The following ZNF600 variants were observed in gnomAD, a reference collection of about 807,000 sequenced individuals.
ZNF600 encodes the protein zinc finger protein KR-ZNF1.
ZNF600 carries 4 observed loss-of-function variants against 7.3 expected under a neutral mutation model. That is an observed-to-expected ratio of 0.55 (90% confidence interval 0.27 to 1.25). The LOEUF (loss-of-function observed/expected upper bound fraction) is 1.25. Among genes scored for constraint, ZNF600 ranks in the 50% most tolerant of loss-of-function variants. The pLI is 0.12. For missense variants in ZNF600, 911 were observed against 922.1 expected (o/e 0.99, Z 0.16); for synonymous variants, 290 against 308.9 (o/e 0.94, Z 0.64).
At chr19:52,773,177 G>A (rs1475918502) in intron 3 of ZNF600, among the ~76,000 whole-genome samples, 16 of 152,330 alleles carry the variant, frequency 1.1e-4, no homozygotes, top group Non-Finnish European at 1.6e-4. Flanking sequence ...TAATGGGCAT[G>A]TAGGAGTGAA....
chr19:52,766,043 G>A lies in ZNF600; in HGVS notation c.1920C>T (p.His640=), dbSNP rs201485423. The change falls in exon 4 of 4, where the codon CAC becomes CAT. Residue 640 remains histidine (H), a synonymous_variant. Transcript: ENST00000648973. ...TCTCTCCAGTATGAAGTCTACGATG[G>A]TGAACAAGGGATGGCTTGTGACTGA... 38 of 1,613,062 alleles carry A rather than the reference G, an allele frequency of 2.4e-5. No individual in the cohort carries two copies. In the East Asian group the frequency reaches 8.3e-4, roughly 35 times the overall value.
chr19:52,789,886 TA>T (rs2062786928), upstream of ZNF600, among the ~76,000 whole-genome samples: 1 of 151,896 alleles, frequency 6.6e-6, no homozygotes, highest in South Asian at 2.1e-4. Context: ...TGAAGGGAGA[TA>T]GGGGTGGGGC....
chr19:52,832,782 T>C, the ZNF600 span, among the ~76,000 whole-genome samples: 1 of 152,038 alleles, frequency 6.6e-6, no homozygotes, highest in Non-Finnish European at 1.5e-5. Context: ...TCTCCTTTTT[T>C]TTCTTTTGAG....
At chr19:52,792,552 C>A in the ZNF600 span, among the ~76,000 whole-genome samples, 1 of 151,824 alleles carries the variant, frequency 6.6e-6, no homozygotes, top group South Asian at 2.1e-4. Context: ...GACTTCATCT[C>A]AAAAAATACA....
intron 1 of ZNF600, among the ~76,000 whole-genome samples, chr19:52,781,795 G>C (rs527717415): frequency 6.6e-6 from 1 of 151,484 alleles, no homozygotes; most frequent in African/African-American, 2.4e-5. Context: ...AGGCAAGGTG[G>C]CTCACACCTG....
At chr19:52,823,584 G>A in the ZNF600 span, among the ~76,000 whole-genome samples, 289 of 152,228 alleles carry the variant, frequency 1.9e-3, 3 homozygotes, top group African/African-American at 6.6e-3. Flanking sequence ...TCCTCTCAAA[G>A]CTCAGAATTA....
rs574476741 is a variant in ZNF600 at position 52,765,820 on chromosome 19, CTT to C, written c.2141_2142del (p.Lys714SerfsTer9). On this transcript the variant is annotated frameshift_variant, in exon 4 of 4. Coordinates refer to ENST00000648973, the Ensembl canonical transcript of ZNF600. LOFTEE classifies it low-confidence loss of function (END_TRUNC). ...TTAAGGTGTGATTTGCGACTGAAAA[CTT>C]TGTCACATGTTTCACATTTGTAAAG... 3.2e-4 allele frequency: 517 copies of C among 1,613,882 alleles called. No homozygotes were observed. The African/African-American group carries it at 6.1e-3, about 19-fold the overall frequency.
the ZNF600 span, among the ~76,000 whole-genome samples, chr19:52,795,809 G>C: frequency 6.6e-6 from 1 of 150,946 alleles, no homozygotes; most frequent in Non-Finnish European, 1.5e-5. Flanking sequence ...CTGGTGATCC[G>C]CCTGTTGTGG....
chr19:52,811,622 CCCCG>C, the ZNF600 span, among the ~76,000 whole-genome samples: 14 of 143,844 alleles, frequency 9.7e-5, no homozygotes, highest in African/African-American at 3.4e-4. Flanking sequence ...TGCCCGGCCG[CCCCG>C]TCTGAGAAGT....
At chr19:52,791,622 T>C (rs1314925634), upstream of ZNF600, among the ~76,000 whole-genome samples, 1 of 151,286 alleles carries the variant, frequency 6.6e-6, no homozygotes, top group African/African-American at 2.4e-5. Flanking sequence ...AATGACTCAC[T>C]CCCTTCCTGT....
chr19:52,780,698 A>G (rs1219833795), intron 1 of ZNF600: 1 of 152,194 alleles, frequency 6.6e-6, no homozygotes, highest in African/African-American at 2.4e-5. Flanking sequence ...ATTGCACTCC[A>G]GCCTCAGCCA....
exon 2 of ZNF600, chr19:52,778,833 A>C: frequency 6.2e-7 from 1 of 1,607,448 alleles, no homozygotes; most frequent in South Asian, 1.1e-5. Context: ...CACCTGAGGA[A>C]GAGCCATGCC....
At chr19:52,833,279 C>T in the ZNF600 span, among the ~76,000 whole-genome samples, 1 of 152,214 alleles carries the variant, frequency 6.6e-6, no homozygotes, top group African/African-American at 2.4e-5. Flanking sequence ...AGCACTGACA[C>T]CATGGGGCCC....
chr19:52,781,533 G>A (rs1333563416), intron 1 of ZNF600, 69 bp from the exon 2 acceptor site: 1 of 152,172 alleles, frequency 6.6e-6, no homozygotes, highest in Non-Finnish European at 1.5e-5. Flanking sequence ...TTGGGTAGTT[G>A]AGGCAGGCCG....
At chr19:52,793,797 CACACACACACACACACACACAA>C in the ZNF600 span, among the ~76,000 whole-genome samples, 310 of 95,954 alleles carry the variant, frequency 3.2e-3, 3 homozygotes, top group African/African-American at 0.011. Context: ...CACACACACA[CACACACACACACACACACACAA>C]AAGTGATGTA....
At chr19:52,831,195 G>A in the ZNF600 span, among the ~76,000 whole-genome samples, 10 of 152,202 alleles carry the variant, frequency 6.6e-5, no homozygotes, top group East Asian at 1.9e-3. Flanking sequence ...AGGAGACCAT[G>A]GATGTGAAGA....
chr19:52,778,955 C>T (rs1600392789), intron 1 of ZNF600, 48 bp from the exon 4 acceptor site: 8 of 1,528,124 alleles, frequency 5.2e-6, no homozygotes, highest in East Asian at 2.3e-5. Flanking sequence ...GACTCACTCC[C>T]ATCCTGTGAC....
At chr19:52,819,845 T>C in the ZNF600 span, among the ~76,000 whole-genome samples, 2 of 143,284 alleles carry the variant, frequency 1.4e-5, no homozygotes, top group Non-Finnish European at 3.0e-5. Flanking sequence ...ATTTATAAAA[T>C]GCAGCAGTGT....
At chr19:52,790,257 AG>A (rs1209386388), upstream of ZNF600, among the ~76,000 whole-genome samples, 1 of 152,160 alleles carries the variant, frequency 6.6e-6, no homozygotes, top group Non-Finnish European at 1.5e-5. Context: ...CCAGCACTTT[AG>A]GAGGCCAAGA....
Sources: gnomAD v4.1 joint callset for allele counts (sites outside exome capture counted in the v4.1 genomes callset) on GRCh38, gnomAD v4.1.1 for gene constraint, MANE v1.5 for transcripts, NCBI Gene and HGNC (gene_info 2026-07-23, HGNC 2026-07-21) for gene names.